The following PIK3R3 variants were observed in gnomAD, a reference collection of about 807,000 sequenced individuals.
PIK3R3 encodes phosphoinositide-3-kinase regulatory subunit 3, also known as phosphatidylinositol 3-kinase regulatory subunit gamma.
PIK3R3 carries 64 observed loss-of-function variants against 62.9 expected under a neutral mutation model. The ratio of observed to expected loss-of-function variants is 1.02; its 90% CI spans 0.83 to 1.25. The LOEUF (loss-of-function observed/expected upper bound fraction) is 1.25. PIK3R3 is among the 50% of genes most tolerant of loss of function. PIK3R3 has a pLI of 0.00. For synonymous variants in PIK3R3, 165 were observed against 189.0 expected (o/e 0.87, Z 1.04); for missense variants, 614 against 561.6 (o/e 1.09, Z -0.94).
intron 1 of PIK3R3, among the ~76,000 whole-genome samples, chr1:46,118,747 G>A (rs922099424): frequency 3.3e-5 from 5 of 151,798 alleles, no homozygotes; most frequent in African/African-American, 9.7e-5. Flanking sequence ...GTAGAGACAG[G>A]GTTTTGTCAT....
chr1:46,054,418 A>AT (rs1647674498), intron 7 of PIK3R3, among the ~76,000 whole-genome samples: 1 of 151,282 alleles, frequency 6.6e-6, no homozygotes, highest in East Asian at 1.9e-4. Flanking sequence ...AAAAAAAAAA[A>AT]AAATCACCTT....
At chr1:46,103,651 A>G (rs1009231274) in intron 1 of PIK3R3, among the ~76,000 whole-genome samples, 3 of 151,858 alleles carry the variant, frequency 2.0e-5, no homozygotes, top group African/African-American at 7.3e-5. Flanking sequence ...CTTAAGTGCA[A>G]TAGCACGATC....
At chr1:46,170,132 C>T in the PIK3R3 span, among the ~76,000 whole-genome samples, 1 of 151,978 alleles carries the variant, frequency 6.6e-6, no homozygotes, top group Non-Finnish European at 1.5e-5. Context: ...ATTTTCTGTT[C>T]GGTACCTTTC....
chr1:46,084,193 G>T (rs1247021447), intron 1 of PIK3R3, among the ~76,000 whole-genome samples: 1 of 152,174 alleles, frequency 6.6e-6, no homozygotes, highest in Non-Finnish European at 1.5e-5. Flanking sequence ...TAATCCCATT[G>T]TCCAGAATAG....
At chr1:46,117,766 G>A (rs1654314322) in intron 1 of PIK3R3, among the ~76,000 whole-genome samples, 1 of 150,432 alleles carries the variant, frequency 6.6e-6, no homozygotes, top group South Asian at 2.1e-4. Context: ...AAGAAAGAAA[G>A]AGAAAGAAAG....
chr1:46,096,622 G>A (rs1326905731), intron 1 of PIK3R3, among the ~76,000 whole-genome samples: 1 of 152,140 alleles, frequency 6.6e-6, no homozygotes, highest in Non-Finnish European at 1.5e-5. Flanking sequence ...AAACTGGCCA[G>A]GTGCAGTGGC....
chr1:46,148,353 G>A, the PIK3R3 span, among the ~76,000 whole-genome samples: 2 of 152,344 alleles, frequency 1.3e-5, no homozygotes, highest in Non-Finnish European at 2.9e-5. Context: ...AACCAGACTC[G>A]TTCCCAGTTC....
the PIK3R3 span, among the ~76,000 whole-genome samples, chr1:46,171,346 C>T: frequency 6.6e-6 from 1 of 152,180 alleles, no homozygotes; most frequent in Non-Finnish European, 1.5e-5. Context: ...CTTGCACTGC[C>T]CCATGGTCCA....
In PIK3R3 at chr1:46,132,531, G is replaced by A. The variant is rs1197833557; in HGVS notation, c.-579C>T. The A allele has an allele frequency of 4.0e-6, 5 of 1,249,086 alleles. No individual in the cohort carries two copies. The highest frequency in any genetic ancestry group is 5.2e-6 in the Non-Finnish European group (5 of 968,180). The allele number at this position is 1,249,086 out of a possible 1,614,324, so 77.4% of individuals were successfully genotyped here. The stretch of plus-strand genomic sequence containing the variant: ...CGAAGCTGCCGCAGCCTCGGGAATG[G>A]GGCCGGCCGGAGAAGTCCAGTCAGC... On this transcript the variant is annotated 5_prime_UTR_variant, in exon 1 of 10. Coordinates refer to ENST00000262741, the MANE Select transcript of PIK3R3 (RefSeq NM_003629.4).
In PIK3R3 at chr1:46,132,457, A is replaced by G; in HGVS notation, c.-505T>C. On this transcript the variant is annotated 5_prime_UTR_variant, in exon 1 of 10. Coordinates refer to ENST00000262741, the MANE Select transcript of PIK3R3 (RefSeq NM_003629.4). ...GGGTCCCACTGGTCTGCAGAGAGCG[A>G]ATCCCCCAGAGGCCGGGACTCGGGC... 8.4e-7 allele frequency: 1 copy of G among 1,192,276 alleles called. No homozygotes were observed. Among genetic ancestry groups the G allele is most frequent in the Non-Finnish European group, 1.1e-6 (1 of 943,618 alleles). The allele number at this position is 1,192,276 out of a possible 1,614,324, so 73.9% of individuals were successfully genotyped here.
At position 46,055,872 on chromosome 1, in the gene PIK3R3, G is replaced by C; in HGVS notation, c.864C>G (p.Asn288Lys). 6.2e-7 allele frequency: 1 copy of C among 1,610,674 alleles called. No homozygotes were observed. Among genetic ancestry groups the C allele is most frequent in the South Asian group, 1.1e-5 (1 of 90,872 alleles). The change falls in exon 7 of 10, where the codon AAC becomes AAG. Residue 288 changes from asparagine (N) to lysine (K), a missense_variant. Coordinates refer to ENST00000262741, the MANE Select transcript of PIK3R3 (RefSeq NM_003629.4). ...TATTCATTTTTTTATCTATTTCTCG[G>C]TTGTCCAAAGCTTGATTCTTCAAAT... ...EQDLKNQALD[N>K]REIDKKMNSI...
At chr1:46,075,761 T>G (rs1333003717) in intron 3 of PIK3R3, among the ~76,000 whole-genome samples, 1 of 152,180 alleles carries the variant, frequency 6.6e-6, no homozygotes, top group Non-Finnish European at 1.5e-5. Context: ...TTGGCTCACA[T>G]GTTTATGGAG....
At position 46,043,736 on chromosome 1, in the gene PIK3R3, G is replaced by A. The variant is rs747804063; in HGVS notation, c.1323C>T (p.Asn441=). ...AGGCAAGCCTGACGTTGAGGGAGTCGTTGTGCTGAACCAAGGATGTCTGCT... is the reference window on the plus strand; with the variant it reads ...AGGCAAGCCTGACGTTGAGGGAGTCATTGTGCTGAACCAAGGATGTCTGCT... ...HYQQTSLVQH[N]DSLNVRLAYP... Residue 441 remains asparagine, a synonymous_variant, in exon 10 of 10, where the codon AAC becomes AAT. Coordinates refer to ENST00000262741, the MANE Select transcript of PIK3R3 (RefSeq NM_003629.4). 5.0e-6 allele frequency: 8 copies of A among 1,614,058 alleles called. No individual in the cohort carries two copies. In the East Asian group the frequency reaches 1.1e-4, roughly 22 times the overall value.
At chr1:46,133,219 A>G (rs865971623), upstream of PIK3R3, among the ~76,000 whole-genome samples, 18 of 152,306 alleles carry the variant, frequency 1.2e-4, 1 homozygote, top group Middle Eastern at 0.024. Flanking sequence ...GGAGGAAAAA[A>G]AAGAAAGAAA....
At chr1:46,118,501 G>A (rs886465100) in intron 1 of PIK3R3, among the ~76,000 whole-genome samples, 18 of 151,136 alleles carry the variant, frequency 1.2e-4, no homozygotes, top group Admixed American at 1.1e-3. Flanking sequence ...TCTTACAATG[G>A]CTTACAATGG....
At chr1:46,166,007 C>A in the PIK3R3 span, among the ~76,000 whole-genome samples, 2 of 151,180 alleles carry the variant, frequency 1.3e-5, no homozygotes, top group Non-Finnish European at 2.9e-5. Context: ...ATCTCCTGAC[C>A]TCGTGATTCG....
At chr1:46,104,963 C>T in intron 1 of PIK3R3, 1 of 571,574 alleles carries the variant, frequency 1.7e-6, no homozygotes, top group Admixed American at 2.5e-5. Context: ...CACACTAAGT[C>T]ATCTCCAAGT....
chr1:46,163,777 C>T, the PIK3R3 span, among the ~76,000 whole-genome samples: 159 of 152,334 alleles, frequency 1.0e-3, no homozygotes, highest in African/African-American at 3.6e-3. Context: ...CCTTCATTCA[C>T]CTCCTGGCTC....
At chr1:46,080,592 A>G in intron 2 of PIK3R3, 50 bp downstream of exon 2, 1 of 1,280,092 alleles carries the variant, frequency 7.8e-7, no homozygotes, top group Non-Finnish European at 1.1e-6. Context: ...CTAATTCTCA[A>G]AAATGACTTT....
Sources: allele counts gnomAD v4.1 joint callset (sites outside exome capture counted in the v4.1 genomes callset), GRCh38; gene constraint gnomAD v4.1.1; transcripts MANE v1.5; gene names NCBI Gene and HGNC (gene_info 2026-07-23, HGNC 2026-07-21).